MAN1A2: variants seen among roughly 807,000 people sequenced by gnomAD.
The protein encoded by MAN1A2 is mannosyl-oligosaccharide 1,2-alpha-mannosidase IB.
In MAN1A2, 26 loss-of-function variants were observed where a neutral mutation model predicts 75.7. The ratio of observed to expected loss-of-function variants is 0.34; its 90% CI spans 0.25 to 0.48. The LOEUF is 0.48. Ranked by LOEUF, MAN1A2 falls within the 20% of genes least tolerant of loss-of-function variation. MAN1A2 has a pLI of 0.99. For missense variants in MAN1A2, 562 were observed against 775.5 expected (o/e 0.72, Z 3.27); for synonymous variants, 247 against 264.6 (o/e 0.93, Z 0.65).
intron 6 of MAN1A2, among the ~76,000 whole-genome samples, chr1:117,453,138 T>A (rs1013251532): frequency 6.6e-6 from 1 of 152,184 alleles, no homozygotes; most frequent in African/African-American, 2.4e-5. Flanking sequence ...TTACTGCTCA[T>A]TGACAGCGTA....
intron 1 of MAN1A2, among the ~76,000 whole-genome samples, chr1:117,372,638 T>A: frequency 6.6e-6 from 1 of 152,200 alleles, no homozygotes; most frequent in East Asian, 1.9e-4. Context: ...TCTATGATTT[T>A]GCAGTACCCA....
intron 12 of MAN1A2, among the ~76,000 whole-genome samples, chr1:117,521,144 A>G (rs12067071): frequency 0.26 from 39,421 of 152,048 alleles, 5,754 homozygotes; most frequent in East Asian, 0.47. Context: ...CTCATCTTTC[A>G]TCTTACACGA....
chr1:117,451,803 T>C lies in MAN1A2; in HGVS notation c.951-8686T>C, dbSNP rs1649426296. Among the ~76,000 whole-genome samples the C allele has an allele frequency of 1.3e-5, 2 of 152,090 alleles. 1 individual carries two copies. Among genetic ancestry groups the C allele is most frequent in the South Asian group, 4.1e-4 (2 of 4,824 alleles). On this transcript the variant is annotated intron_variant, in intron 6 of 12. Coordinates refer to ENST00000356554, the MANE Select transcript of MAN1A2 (RefSeq NM_006699.5). ...CTTCTTTCTTTTGTGAATTGCCCAG[T>C]CTCAGGTATGTCTTTATCAGCAGTG...
At chr1:117,450,015 G>A (rs1390388757) in intron 6 of MAN1A2, among the ~76,000 whole-genome samples, 1 of 152,206 alleles carries the variant, frequency 6.6e-6, no homozygotes, top group Non-Finnish European at 1.5e-5. Flanking sequence ...CTGAAAAGAT[G>A]CCTGAAAATG....
chr1:117,516,741 G>A (rs61807764), intron 12 of MAN1A2, among the ~76,000 whole-genome samples: 18,286 of 152,166 alleles, frequency 0.12, 1,163 homozygotes, highest in Non-Finnish European at 0.14. Context: ...ACATGATACA[G>A]GGAGGGGACT....
chr1:117,496,193 A>T (rs1651032281), intron 9 of MAN1A2, among the ~76,000 whole-genome samples: 1 of 151,992 alleles, frequency 6.6e-6, no homozygotes, highest in Non-Finnish European at 1.5e-5. Context: ...AAACTGAGTT[A>T]ATGGCCATTG....
At chr1:117,384,731 A>G (rs970869611) in intron 1 of MAN1A2, among the ~76,000 whole-genome samples, 1 of 151,850 alleles carries the variant, frequency 6.6e-6, no homozygotes, top group Admixed American at 6.6e-5. Flanking sequence ...ATTTCTTCCT[A>G]TATTTTGGGG....
At position 117,502,880 on chromosome 1, in the gene MAN1A2, A is replaced by G. The variant is rs776182774; in HGVS notation, c.1703A>G (p.Asn568Ser). 1.2e-6 allele frequency: 2 copies of G among 1,604,376 alleles called. No homozygotes were observed. The highest frequency in any genetic ancestry group is 1.7e-6 in the Non-Finnish European group (2 of 1,172,964). The change falls in exon 12 of 13, where the codon AAT becomes AGT. Residue 568 changes from asparagine (N) to serine (S), a missense_variant. By Grantham distance (46) the Asn-to-Ser change is conservative. Coordinates refer to ENST00000356554, the MANE Select transcript of MAN1A2 (RefSeq NM_006699.5). ...ALAIEKYCRV[N>S]GGFSGVKDVY... ...GCCATTGAAAAGTATTGCCGAGTTA[A>G]TGGTGGGTTTTCTGGAGTCAAAGAT...
intron 4 of MAN1A2, among the ~76,000 whole-genome samples, chr1:117,415,063 C>A (rs61805762): frequency 0.11 from 17,125 of 151,838 alleles, 1,060 homozygotes; most frequent in Non-Finnish European, 0.14. Context: ...ATTAGCACAG[C>A]TTCGATGAAT....
chr1:117,378,886 TTTTC>T (rs1307162798), intron 1 of MAN1A2, among the ~76,000 whole-genome samples: 1 of 146,170 alleles, frequency 6.8e-6, no homozygotes, highest in African/African-American at 2.6e-5. Context: ...GTTGTTGCCT[TTTTC>T]TTATTTATTT....
At chr1:117,504,854 G>A in intron 12 of MAN1A2, among the ~76,000 whole-genome samples, 1 of 151,404 alleles carries the variant, frequency 6.6e-6, no homozygotes, top group Non-Finnish European at 1.5e-5. Context: ...CACATGATCA[G>A]ATTTAGGTTA....
chr1:117,398,019 G>C (rs1012457509), intron 1 of MAN1A2, among the ~76,000 whole-genome samples: 7 of 152,128 alleles, frequency 4.6e-5, no homozygotes, highest in African/African-American at 1.7e-4. Context: ...ATTTACTTCA[G>C]ATGGGGTCTT....
chr1:117,489,180 T>G (rs1650803538), intron 8 of MAN1A2, among the ~76,000 whole-genome samples: 1 of 152,112 alleles, frequency 6.6e-6, no homozygotes, highest in Non-Finnish European at 1.5e-5. Context: ...CTTTAGTTTT[T>G]TATTAATGAA....
At chr1:117,447,739 G>A (rs139502325) in intron 6 of MAN1A2, among the ~76,000 whole-genome samples, 120 of 151,468 alleles carry the variant, frequency 7.9e-4, no homozygotes, top group South Asian at 5.4e-3. Flanking sequence ...TTTTTTATTG[G>A]CTATTTTTTA....
intron 5 of MAN1A2, among the ~76,000 whole-genome samples, chr1:117,432,067 T>G (rs191142617): frequency 7.2e-4 from 110 of 152,320 alleles, no homozygotes; most frequent in African/African-American, 2.4e-3. Context: ...TCTAAATAAA[T>G]AGACATCAAG....
At position 117,421,438 on chromosome 1, in the gene MAN1A2, A is replaced by AT. The variant is rs919179457; in HGVS notation, c.855+798dup. The stretch of plus-strand genomic sequence containing the variant: ...TAATGTTGAAGTAATCATTTAAAGG[A>AT]TTTTTTTTTCCCCCCAGTGTTTTGG... On this transcript the variant is annotated intron_variant, in intron 5 of 12. Coordinates refer to ENST00000356554, the MANE Select transcript of MAN1A2 (RefSeq NM_006699.5). Among the ~76,000 whole-genome samples, 234 of 150,286 alleles carry AT rather than the reference A, an allele frequency of 1.6e-3. 2 individuals are homozygous for AT. The highest frequency in any genetic ancestry group is 0.01 in the South Asian group (48 of 4,730).
At chr1:117,468,680 C>T (rs912793192) in intron 8 of MAN1A2, among the ~76,000 whole-genome samples, 8 of 152,048 alleles carry the variant, frequency 5.3e-5, no homozygotes, top group African/African-American at 9.7e-5. Context: ...AGTTTTTAAA[C>T]GTCTTGTAAT....
chr1:117,368,561 T>C (rs1376528929), intron 1 of MAN1A2, 76 bp downstream of exon 1: 1 of 1,339,682 alleles, frequency 7.5e-7, no homozygotes, highest in Non-Finnish European at 1.0e-6. Flanking sequence ...TCTGTCTTTT[T>C]TTTTTCTTGC....
rs1648530757 is a variant in MAN1A2 at position 117,429,713 on chromosome 1, C to T, written c.855+9064C>T. Among the ~76,000 whole-genome samples, 3 of 94,722 alleles carry T rather than the reference C, an allele frequency of 3.2e-5. 1 individual carries two copies. Among genetic ancestry groups the T allele is most frequent in the Non-Finnish European group, 4.5e-5 (2 of 44,868 alleles). 62.1% of individuals were successfully genotyped at this position (94,722 alleles called of 152,430 possible). A position where few individuals can be genotyped will look rare whatever the true frequency, so the allele number is the denominator to read the frequency against. ...GTGGCTGGCCGGGCAGGGGGGCTGACCCCCCCCACCTCCCTCCCGGACGGG... is the reference window on the plus strand; with the variant it reads ...GTGGCTGGCCGGGCAGGGGGGCTGATCCCCCCCACCTCCCTCCCGGACGGG... On this transcript the variant is annotated intron_variant, in intron 5 of 12. Transcript: ENST00000356554.
Sources: gnomAD v4.1 joint callset for allele counts (sites outside exome capture counted in the v4.1 genomes callset) on GRCh38, gnomAD v4.1.1 for gene constraint, MANE v1.5 for transcripts, NCBI Gene and HGNC (gene_info 2026-07-23, HGNC 2026-07-21) for gene names.